Variants in AHI1 observed in about 807,000 individuals in gnomAD.
The protein encoded by AHI1 is jouberin.
A neutral mutation model predicts 149.3 loss-of-function variants in AHI1; 123 were observed. The observed-to-expected ratio is 0.82, with a 90% CI of 0.71 to 0.96. The LOEUF is 0.96. Among genes scored for constraint, AHI1 ranks in the 40% least tolerant of loss-of-function variants. AHI1 has a pLI of 0.00. For missense variants in AHI1, 1,439 were observed against 1,422.7 expected, an observed-to-expected ratio of 1.01 and a Z score of -0.18; for synonymous variants, 475 against 459.8, an observed-to-expected ratio of 1.03 and a Z score of -0.42.
At chr6:135,439,757 C>T (rs1785980934) in intron 14 of AHI1, among the ~76,000 whole-genome samples, 1 of 152,168 alleles carries the variant, frequency 6.6e-6, no homozygotes, top group Admixed American at 6.5e-5. Flanking sequence ...GGGTGGAAAG[C>T]ATGAGCATAC....
chr6:135,370,642 G>T (rs182087377), intron 23 of AHI1, among the ~76,000 whole-genome samples: 299 of 152,204 alleles, frequency 2.0e-3, no homozygotes, highest in Non-Finnish European at 3.4e-3. Flanking sequence ...ATTTCTCTTT[G>T]CAATTTATTT....
chr6:135,289,927 T>C (rs1782131569), intron 28 of AHI1, among the ~76,000 whole-genome samples: 1 of 151,736 alleles, frequency 6.6e-6, no homozygotes, highest in South Asian at 2.1e-4. Flanking sequence ...TCCAAACACA[T>C]TTTCCCACTG....
chr6:135,467,777 C>A (rs1475493095), intron 5 of AHI1, 143 bp from the exon 6 acceptor site: 2 of 536,594 alleles, frequency 3.7e-6, no homozygotes, highest in Non-Finnish European at 6.5e-6. Context: ...TATCTTAGAG[C>A]ATTTGATGAG....
In AHI1 at chr6:135,318,550, G is replaced by T. The variant is rs920897302; in HGVS notation, c.3395C>A (p.Thr1132Asn). The change falls in exon 26 of 29, where the codon ACT becomes AAT. Residue 1132 changes from threonine (T) to asparagine (N), a missense_variant. Coordinates refer to ENST00000265602, the MANE Select transcript of AHI1 (RefSeq NM_001134831.2). ...RSPPLSPEEK[T>N]KIEKSPAPQK... ...AGGAGCTGGAGATTTTTCTATTTTAGTTTTTTCCTCAGGGCTTAAAGGAGG... is the reference window on the plus strand; with the variant it reads ...AGGAGCTGGAGATTTTTCTATTTTATTTTTTTCCTCAGGGCTTAAAGGAGG... 6.2e-7 allele frequency: 1 copy of T among 1,600,558 alleles called. No homozygotes were observed.
chr6:135,412,621 A>T (rs1292437376), intron 20 of AHI1, among the ~76,000 whole-genome samples: 1 of 152,228 alleles, frequency 6.6e-6, no homozygotes, highest in African/African-American at 2.4e-5. Context: ...GGGTGCTATC[A>T]CATACATTAC....
intron 24 of AHI1, among the ~76,000 whole-genome samples, chr6:135,351,141 A>C (rs1792045109): frequency 6.7e-6 from 1 of 148,314 alleles, no homozygotes; most frequent in African/African-American, 2.6e-5. Context: ...AAAACAAAAA[A>C]AACAAAAAAA....
At chr6:135,448,735 C>T (rs1344473706) in intron 11 of AHI1, among the ~76,000 whole-genome samples, 1 of 152,118 alleles carries the variant, frequency 6.6e-6, no homozygotes, top group Non-Finnish European at 1.5e-5. Flanking sequence ...ACTGTCGGTA[C>T]AGCATTTACA....
intron 24 of AHI1, among the ~76,000 whole-genome samples, chr6:135,355,794 G>C (rs1792861939): frequency 6.6e-6 from 1 of 152,146 alleles, no homozygotes; most frequent in Non-Finnish European, 1.5e-5. Flanking sequence ...AGCTACTTAG[G>C]AGGCTGAGGC....
intron 27 of AHI1, among the ~76,000 whole-genome samples, chr6:135,291,533 G>T (rs1782352046): frequency 6.6e-6 from 1 of 152,182 alleles, no homozygotes; most frequent in Non-Finnish European, 1.5e-5. Flanking sequence ...AGGAAGAGAG[G>T]CCTCACGGGA....
intron 13 of AHI1, 65 bp from the exon 14 acceptor site, chr6:135,442,779 T>C: frequency 7.0e-7 from 1 of 1,428,358 alleles, no homozygotes; most frequent in South Asian, 1.5e-5. Flanking sequence ...TAGTTTTTAA[T>C]TTCAATTACT....
At chr6:135,420,162 G>A (rs1782948753) in intron 20 of AHI1, among the ~76,000 whole-genome samples, 1 of 152,080 alleles carries the variant, frequency 6.6e-6, no homozygotes, top group Non-Finnish European at 1.5e-5. Context: ...CATGGGGGTT[G>A]GAATACACTT....
intron 23 of AHI1, among the ~76,000 whole-genome samples, chr6:135,374,429 T>C (rs185281555): frequency 4.6e-5 from 7 of 152,120 alleles, no homozygotes; most frequent in African/African-American, 1.4e-4. Context: ...GCTAGTTTAA[T>C]GTGAAGAAGT....
chr6:135,467,031 C>T (rs945943120), intron 6 of AHI1, among the ~76,000 whole-genome samples: 11 of 152,084 alleles, frequency 7.2e-5, no homozygotes, highest in Non-Finnish European at 1.5e-4. Context: ...AGGGGATAAA[C>T]TAGAGGATGA....
intron 5 of AHI1, among the ~76,000 whole-genome samples, chr6:135,478,738 A>G (rs1227508668): frequency 6.6e-6 from 1 of 152,262 alleles, no homozygotes; most frequent in Non-Finnish European, 1.5e-5. Context: ...AATAGCACAG[A>G]CAATGGGGAA....
At chr6:135,422,133 G>C (rs79796039) in intron 20 of AHI1, among the ~76,000 whole-genome samples, 1,566 of 152,112 alleles carry the variant, frequency 0.01, 20 homozygotes, top group African/African-American at 0.034. Flanking sequence ...CCACTACATC[G>C]TATCTATATT....
At chr6:135,363,937 G>C (rs1397691737) in intron 23 of AHI1, among the ~76,000 whole-genome samples, 1 of 144,346 alleles carries the variant, frequency 6.9e-6, no homozygotes, top group South Asian at 2.2e-4. Flanking sequence ...CTGGCCGGGC[G>C]GGGGGCTGAC....
intron 24 of AHI1, among the ~76,000 whole-genome samples, chr6:135,329,059 TG>T (rs1788140691): frequency 1.3e-5 from 2 of 152,300 alleles, no homozygotes; most frequent in South Asian, 4.1e-4. Context: ...TAGCAGAGGT[TG>T]CTTCATGAAG....
chr6:135,418,031 C>A (rs113532054), intron 20 of AHI1, among the ~76,000 whole-genome samples: 4 of 151,994 alleles, frequency 2.6e-5, no homozygotes, highest in African/African-American at 7.2e-5. Flanking sequence ...TTAAATAACT[C>A]TTTCTTCATT....
At chr6:135,406,817 T>G (rs1240962134) in intron 21 of AHI1, among the ~76,000 whole-genome samples, 1 of 152,156 alleles carries the variant, frequency 6.6e-6, no homozygotes, top group Non-Finnish European at 1.5e-5. Flanking sequence ...TTTATTATAT[T>G]ATAAGGTGTA....
Sources: allele counts gnomAD v4.1 joint callset (sites outside exome capture counted in the v4.1 genomes callset), GRCh38; gene constraint gnomAD v4.1.1; transcripts MANE v1.5; gene names NCBI Gene and HGNC (gene_info 2026-07-23, HGNC 2026-07-21).